The following NUDCD1 variants were observed in gnomAD, a reference collection of about 807,000 sequenced individuals.
NUDCD1 encodes the protein NudC domain containing 1, also known as nudC domain-containing protein 1.
NUDCD1 carries 60 observed loss-of-function variants against 67.8 expected under a neutral mutation model. That is an observed-to-expected ratio of 0.88 (90% CI 0.72 to 1.10). The LOEUF (loss-of-function observed/expected upper bound fraction) is 1.10, where lower values mean the gene tolerates loss of function less well. Among genes scored for constraint, NUDCD1 ranks in the 50% least tolerant of loss-of-function variants. The pLI is 0.00. For synonymous variants in NUDCD1, 244 were observed against 230.8 expected (o/e 1.06, Z -0.52); for missense variants, 643 against 695.0 (o/e 0.93, Z 0.84).
At chr8:109,245,520 A>T in intron 8 of NUDCD1, 39 bp from the exon 9 acceptor site, 1 of 1,503,482 alleles carries the variant, frequency 6.7e-7, no homozygotes. Context: ...TCAACAACAA[A>T]TTAATAATAG....
intron 8 of NUDCD1, among the ~76,000 whole-genome samples, chr8:109,250,460 T>C (rs1450483061): frequency 2.6e-5 from 4 of 152,192 alleles, no homozygotes; most frequent in South Asian, 2.1e-4. Flanking sequence ...AATCTCTTGA[T>C]AGCTGTTTAT....
chr8:109,243,703 C>G (rs190528843), intron 9 of NUDCD1, among the ~76,000 whole-genome samples: 1 of 152,162 alleles, frequency 6.6e-6, no homozygotes. Flanking sequence ...TTTTTTTCCT[C>G]TTAAATAAAT....
At chr8:109,267,952 A>G (rs1398886682) in intron 8 of NUDCD1, among the ~76,000 whole-genome samples, 2 of 152,220 alleles carry the variant, frequency 1.3e-5, no homozygotes, top group African/African-American at 4.8e-5. Flanking sequence ...TTTAGGGAAA[A>G]TTATGGAAAG....
At chr8:109,256,038 C>A (rs1345861344) in intron 8 of NUDCD1, among the ~76,000 whole-genome samples, 2 of 151,722 alleles carry the variant, frequency 1.3e-5, no homozygotes, top group South Asian at 2.1e-4. Context: ...CAGTGAGATC[C>A]CACAACTACA....
chr8:109,327,439 C>T (rs1815705058), intron 1 of NUDCD1, among the ~76,000 whole-genome samples: 1 of 152,106 alleles, frequency 6.6e-6, no homozygotes, highest in African/African-American at 2.4e-5. Flanking sequence ...TCCCTCTGCT[C>T]TGAAGAAAGA....
intron 2 of NUDCD1, chr8:109,315,611 T>A (rs1472471246): frequency 6.6e-6 from 1 of 152,102 alleles, no homozygotes; most frequent in Non-Finnish European, 1.5e-5. Context: ...CCATGTCCCC[T>A]ACTGATCAAG....
intron 7 of NUDCD1, among the ~76,000 whole-genome samples, 155 bp downstream of exon 7, chr8:109,275,197 C>T (rs1262984840): frequency 6.6e-6 from 1 of 152,072 alleles, no homozygotes; most frequent in Admixed American, 6.6e-5. Flanking sequence ...AATATTAGAA[C>T]TTAGGCCATA....
At chr8:109,300,561 A>G (rs114140172) in intron 2 of NUDCD1, among the ~76,000 whole-genome samples, 3,550 of 152,266 alleles carry the variant, frequency 0.023, 150 homozygotes, top group African/African-American at 0.082. Flanking sequence ...TGGAAAAATA[A>G]TAAGAAAATA....
chr8:109,292,028 T>A lies in NUDCD1; in HGVS notation c.640+1316A>T, dbSNP rs188449978. On this transcript the variant is annotated intron_variant, in intron 4 of 9. Coordinates refer to ENST00000239690, the MANE Select transcript of NUDCD1 (RefSeq NM_032869.4). ...AAAGCTGAATCTAGGCCTATTTTTG[T>A]ATGGCCTGTGAGCTAAGCATGAATT... Among the ~76,000 whole-genome samples, 6 of 152,284 alleles carry A rather than the reference T, an allele frequency of 3.9e-5. No homozygotes were observed. In the East Asian group the frequency reaches 1.2e-3, roughly 29 times the overall value.
intron 8 of NUDCD1, among the ~76,000 whole-genome samples, chr8:109,269,272 G>A (rs1050321316): frequency 2.2e-4 from 34 of 152,142 alleles, no homozygotes; most frequent in African/African-American, 8.0e-4. Flanking sequence ...GAAATTAATT[G>A]TAAAAGCAAA....
At chr8:109,278,195 T>A (rs1325034349) in intron 6 of NUDCD1, among the ~76,000 whole-genome samples, 2 of 152,220 alleles carry the variant, frequency 1.3e-5, no homozygotes, top group East Asian at 3.8e-4. Context: ...ATTTAAAAAA[T>A]TAACTGCCTA....
At chr8:109,281,395 T>C (rs1814434959) in intron 5 of NUDCD1, among the ~76,000 whole-genome samples, 1 of 152,134 alleles carries the variant, frequency 6.6e-6, no homozygotes, top group African/African-American at 2.4e-5. Context: ...CTTGAGGAGA[T>C]AAAGCACTCA....
intron 1 of NUDCD1, chr8:109,330,048 A>G: frequency 2.0e-6 from 1 of 500,342 alleles, no homozygotes; most frequent in Non-Finnish European, 3.1e-6. Flanking sequence ...AGTATGAATT[A>G]GCTAGGTGAA....
intron 2 of NUDCD1, chr8:109,316,527 A>G (rs967992640): frequency 2.0e-5 from 3 of 152,192 alleles, no homozygotes; most frequent in Non-Finnish European, 4.4e-5. Flanking sequence ...ACAAAAGAAA[A>G]CAAAAAAAAT....
rs1813391252 is a variant in NUDCD1 at position 109,242,597 on chromosome 8, A to T, written c.*412T>A. The T allele has an allele frequency of 1.2e-5, 2 of 162,384 alleles. No individual in the cohort carries two copies. Among genetic ancestry groups the T allele is most frequent in the Admixed American group, 6.3e-5 (1 of 15,764 alleles). The allele number at this position is 162,384 out of a possible 1,614,324, so 10.1% of individuals were successfully genotyped here. ...AGTTATTCAATCCACTTAAATACAT[A>T]TGTACAATACTCAACATTTAACTAT... is the stretch of plus-strand genomic sequence containing the variant. On this transcript the variant is annotated 3_prime_UTR_variant, in exon 10 of 10. Transcript: ENST00000239690.
chr8:109,242,683 A>C lies in NUDCD1; in HGVS notation c.*326T>G, dbSNP rs982450676. On this transcript the variant is annotated 3_prime_UTR_variant, in exon 10 of 10. Coordinates refer to ENST00000239690, the MANE Select transcript of NUDCD1 (RefSeq NM_032869.4). ...CTAATCAACGAACAGAGTACACAAT[A>C]AATATTTTTATTTTTAAACACTGAA... 5.4e-6 allele frequency: 1 copy of C among 183,588 alleles called. No homozygotes were observed. Among genetic ancestry groups the C allele is most frequent in the Non-Finnish European group, 1.2e-5 (1 of 86,432 alleles). The allele number at this position is 183,588 out of a possible 1,614,324, so 11.4% of individuals were successfully genotyped here.
chr8:109,329,722 G>T, intron 1 of NUDCD1: 3 of 1,267,424 alleles, frequency 2.4e-6, no homozygotes, highest in Non-Finnish European at 3.3e-6. Context: ...TTCTTAAGTT[G>T]TACATTTTAA....
chr8:109,270,080 G>GA (rs1814106127), intron 8 of NUDCD1, among the ~76,000 whole-genome samples: 1 of 20,048 alleles, frequency 5.0e-5, no homozygotes, highest in Non-Finnish European at 1.3e-4. Flanking sequence ...GGGGGGGGGG[G>GA]GGTGCCTTAA....
chr8:109,260,518 C>T (rs1363414187), intron 8 of NUDCD1, among the ~76,000 whole-genome samples: 1 of 152,072 alleles, frequency 6.6e-6, no homozygotes, highest in African/African-American at 2.4e-5. Context: ...AGTCAAAAAG[C>T]TAAAAAATAG....
Sources: gnomAD v4.1 joint callset for allele counts (sites outside exome capture counted in the v4.1 genomes callset) on GRCh38, gnomAD v4.1.1 for gene constraint, MANE v1.5 for transcripts, NCBI Gene and HGNC (gene_info 2026-07-23, HGNC 2026-07-21) for gene names.